Variants in MYH10 observed in about 807,000 individuals in gnomAD.
The protein encoded by MYH10 is myosin heavy chain 10, also known as myosin-10.
A neutral mutation model predicts 257.8 loss-of-function variants in MYH10; 55 were observed. The ratio of observed to expected loss-of-function variants is 0.21; its 90% CI spans 0.17 to 0.27. The LOEUF is 0.27. Among genes scored for constraint, MYH10 ranks in the 10% least tolerant of loss-of-function variants. The pLI is 1.00. For synonymous variants in MYH10, 854 were observed against 921.7 expected (o/e 0.93, Z 1.33); for missense variants, 1,631 against 2,500.6 (o/e 0.65, Z 7.42).
intron 36 of MYH10, among the ~76,000 whole-genome samples, chr17:8,485,514 T>C (rs55977798): frequency 0.027 from 4,026 of 149,804 alleles, 182 homozygotes; most frequent in African/African-American, 0.092. Flanking sequence ...GTGGAAATCA[T>C]TTACTCAAAG....
chr17:8,544,110 C>T (rs2082375067), intron 13 of MYH10, among the ~76,000 whole-genome samples: 1 of 151,910 alleles, frequency 6.6e-6, no homozygotes, highest in Non-Finnish European at 1.5e-5. Flanking sequence ...CATAGTATTC[C>T]ACTGTATGGA....
At chr17:8,546,707 A>G in intron 11 of MYH10, 45 bp from the exon 12 acceptor site, 6 of 1,394,606 alleles carry the variant, frequency 4.3e-6, no homozygotes, top group Non-Finnish European at 6.1e-6. Flanking sequence ...TTTACTTACA[A>G]TCTACTCACA....
chr17:8,492,399 G>A lies in MYH10; in HGVS notation c.4569C>T (p.Leu1523=), dbSNP rs554458362. 9.9e-6 allele frequency: 16 copies of A among 1,613,456 alleles called. No individual in the cohort carries two copies. The highest frequency in any genetic ancestry group is 4.4e-5 in the South Asian group (4 of 91,072). ...CCTCCTTGGCCTCCAGGGCTTCCTC[G>A]AGGGCCCGGGCCAGTGACAGGGCTT... ...ETKALSLARA[L]EEALEAKEEF... Residue 1523 remains leucine (L), a synonymous_variant, in exon 34 of 43, where the codon CTC becomes CTT. Transcript: ENST00000360416.
chr17:8,537,170 A>G (rs2082165410), intron 14 of MYH10, among the ~76,000 whole-genome samples: 1 of 152,196 alleles, frequency 6.6e-6, no homozygotes, highest in African/African-American at 2.4e-5. Context: ...GCCATCATTT[A>G]TTGTCACACT....
chr17:8,522,835 C>A (rs1401235239), intron 17 of MYH10, among the ~76,000 whole-genome samples: 1 of 152,172 alleles, frequency 6.6e-6, no homozygotes, highest in African/African-American at 2.4e-5. Flanking sequence ...AATGAATAGA[C>A]ACCACCCAGT....
At position 8,569,455 on chromosome 17, in the gene MYH10, G is replaced by A. The variant is rs1323238217; in HGVS notation, c.756+265C>T. ...AATCAAAGATAAATAAGCTCAGAGA[G>A]GTTAAATTACATATCCATAAAATAA... On this transcript the variant is annotated intron_variant, in intron 7 of 42. Coordinates refer to ENST00000360416, the MANE Select transcript of MYH10 (RefSeq NM_001256012.3). The surrounding 1 kb of genome is among the most constrained non-coding windows in gnomAD (Gnocchi z 4.1). 6.6e-6 allele frequency among the ~76,000 whole-genome samples: 1 copy of A among 152,066 alleles called. No homozygotes were observed. Among genetic ancestry groups the A allele is most frequent in the Non-Finnish European group, 1.5e-5 (1 of 68,008 alleles).
chr17:8,602,850 C>G (rs754373675), intron 3 of MYH10, among the ~76,000 whole-genome samples: 14 of 152,262 alleles, frequency 9.2e-5, no homozygotes, highest in Non-Finnish European at 1.9e-4. Flanking sequence ...ACTTTACAAG[C>G]TTGTCATTAA....
At position 8,535,614 on chromosome 17, in the gene MYH10, G is replaced by T. The variant is rs2082120461; in HGVS notation, c.1780-113C>A. 1 of 1,231,304 alleles carries T rather than the reference G, an allele frequency of 8.1e-7. No individual in the cohort carries two copies. Among genetic ancestry groups the T allele is most frequent in the Non-Finnish European group, 1.1e-6 (1 of 873,016 alleles). The allele number at this position is 1,231,304 out of a possible 1,614,324, so 76.3% of individuals were successfully genotyped here. A position where few individuals can be genotyped will look rare whatever the true frequency, so the allele number is the denominator to read the frequency against. On this transcript the variant is annotated intron_variant, in intron 15 of 42. Coordinates refer to ENST00000360416, the MANE Select transcript of MYH10 (RefSeq NM_001256012.3). The surrounding 1 kb of genome is among the most constrained non-coding windows in gnomAD (Gnocchi z 4.3). ...TTTTATACAACAGTCCCCAAAATGGGCTGTCTGAAAGACAATATGTTTGTA... is the reference window on the plus strand; with the variant it reads ...TTTTATACAACAGTCCCCAAAATGGTCTGTCTGAAAGACAATATGTTTGTA...
intron 38 of MYH10, 63 bp downstream of exon 38, chr17:8,481,259 A>C: frequency 6.6e-7 from 1 of 1,515,126 alleles, no homozygotes; most frequent in Non-Finnish European, 9.1e-7. Context: ...GGACACCTCC[A>C]GCCTTCTCAG....
intron 1 of MYH10, among the ~76,000 whole-genome samples, chr17:8,627,181 GGTA>G (rs1287417798): frequency 1.3e-5 from 2 of 151,958 alleles, no homozygotes; most frequent in African/African-American, 2.4e-5. Flanking sequence ...GTCTTTACTG[GGTA>G]GTAGGATTAC....
chr17:8,544,653 A>T (rs999450341), intron 13 of MYH10, among the ~76,000 whole-genome samples: 1 of 152,196 alleles, frequency 6.6e-6, no homozygotes, highest in African/African-American at 2.4e-5. Flanking sequence ...AGATGATCAC[A>T]AAAAGCACTT....
chr17:8,604,512 A>G (rs372362345), intron 3 of MYH10, among the ~76,000 whole-genome samples: 1 of 152,198 alleles, frequency 6.6e-6, no homozygotes, highest in Admixed American at 6.5e-5. Flanking sequence ...TATTGGTTTT[A>G]AAACCTAATA....
rs1172339799 is a variant in MYH10, at chr17:8,490,206, T to C, written c.4884+134A>G. On this transcript the variant is annotated intron_variant, in intron 35 of 42. Transcript: ENST00000360416. The surrounding 1 kb of genome is among the most constrained non-coding windows in gnomAD (Gnocchi z 4.1). ...ATAATAAAATTCTCAAATGACCAAA[T>C]AAATTCATTTTACTCTATGTGTTAC... The C allele has an allele frequency of 1.4e-6, 1 of 734,638 alleles. No homozygotes were observed. The highest frequency in any genetic ancestry group is 2.6e-5 in the East Asian group (1 of 38,628). The allele number at this position is 734,638 out of a possible 1,614,324, so 45.5% of individuals were successfully genotyped here.
rs114529131 is a variant in MYH10, at chr17:8,596,497, A to T, written c.503-7389T>A. On this transcript the variant is annotated intron_variant, in intron 3 of 42. Transcript: ENST00000360416. ...CCTTCCTTGATGTTTCTTTTATAGAATGGCTTGTTTTCCTTGCTTTTATTT... is the reference window on the plus strand; with the variant it reads ...CCTTCCTTGATGTTTCTTTTATAGATTGGCTTGTTTTCCTTGCTTTTATTT... Among the ~76,000 whole-genome samples the T allele has an allele frequency of 2.0e-3, 306 of 152,230 alleles. 3 individuals carry two copies. Among genetic ancestry groups the T allele is most frequent in the African/African-American group, 6.9e-3 (285 of 41,534 alleles).
chr17:8,624,890 C>A (rs956134111), intron 1 of MYH10, among the ~76,000 whole-genome samples: 2 of 152,140 alleles, frequency 1.3e-5, no homozygotes, highest in Non-Finnish European at 2.9e-5. Flanking sequence ...CCCGCCTCTA[C>A]AGAAAAATTT....
rs142203539 is a variant in MYH10, at chr17:8,479,818, G to A, written c.5597+292C>T. ...ATTAGCATTTCATGGGCTGCCACAC[G>A]CTTGGGAAATCGACTTTGGGTAGGA... On this transcript the variant is annotated intron_variant, in intron 40 of 42. Coordinates refer to ENST00000360416, the MANE Select transcript of MYH10 (RefSeq NM_001256012.3). Among the ~76,000 whole-genome samples the A allele has an allele frequency of 1.5e-3, 230 of 152,336 alleles. No homozygotes were observed. Among genetic ancestry groups the A allele is most frequent in the South Asian group, 3.7e-3 (18 of 4,830 alleles).
In MYH10 at chr17:8,535,441, C is replaced by T; in HGVS notation, c.1840G>A (p.Ala614Thr). 6.2e-7 allele frequency: 1 copy of T among 1,614,080 alleles called. No individual in the cohort carries two copies. Among genetic ancestry groups the T allele is most frequent in the Non-Finnish European group, 8.5e-7 (1 of 1,179,998 alleles). Residue 614 changes from alanine (A) to threonine (T), a missense_variant, in exon 16 of 43, where the codon GCC becomes ACC. Coordinates refer to ENST00000360416, the MANE Select transcript of MYH10 (RefSeq NM_001256012.3). This position sits in a 1 kb window ranked among gnomAD's most constrained non-coding sequence, Gnocchi z 4.3. Reference sequence around the variant, plus strand: ...TCTGATGACTGGTGCAAAAGGGTGGCCACGTTGTCATTCAGGGGGTCCATA... The same window carrying T: ...TCTGATGACTGGTGCAAAAGGGTGGTCACGTTGTCATTCAGGGGGTCCATA... ...KNMDPLNDNVATLLHQSSDRF... is the reference protein window; with the variant it reads ...KNMDPLNDNVTTLLHQSSDRF...
intron 3 of MYH10, among the ~76,000 whole-genome samples, chr17:8,591,555 T>C (rs997989140): frequency 6.6e-6 from 1 of 152,236 alleles, no homozygotes; most frequent in Admixed American, 6.5e-5. Context: ...GCAATTTCTA[T>C]AGAACTCCAC....
In MYH10 at chr17:8,552,658, G is replaced by A. The variant is rs2082676087; in HGVS notation, c.821-514C>T. ...TGACTCCAAAATGCATGATGAGAGT[G>A]CCCACAATGCTACCCTATTGAAAGC... On this transcript the variant is annotated intron_variant, in intron 8 of 42. Transcript: ENST00000360416. The surrounding 1 kb of genome is among the most constrained non-coding windows in gnomAD (Gnocchi z 4.8). Among the ~76,000 whole-genome samples the A allele has an allele frequency of 6.6e-6, 1 of 152,176 alleles. No individual in the cohort carries two copies. Among genetic ancestry groups the A allele is most frequent in the Non-Finnish European group, 1.5e-5 (1 of 68,024 alleles).
Sources: allele counts gnomAD v4.1 joint callset (sites outside exome capture counted in the v4.1 genomes callset), GRCh38; gene constraint gnomAD v4.1.1; non-coding constraint Gnocchi (gnomAD v3.1); transcripts MANE v1.5; gene names NCBI Gene and HGNC (gene_info 2026-07-23, HGNC 2026-07-21).